OSR1: variants seen among roughly 807,000 people sequenced by gnomAD.
OSR1 encodes protein odd-skipped-related 1.
Under a neutral mutation model 15.7 loss-of-function variants are expected in OSR1, and 3 were observed. That is an observed-to-expected ratio of 0.19 (90% CI 0.09 to 0.50). The LOEUF is 0.50. OSR1 is among the 20% of genes least tolerant of loss of function. The probability of loss-of-function intolerance (pLI) is 0.97; values close to 1 mark genes in which losing one functional copy is unlikely to be tolerated. For missense variants in OSR1, 271 were observed against 351.1 expected (o/e 0.77, Z 1.82); for synonymous variants, 166 against 152.7 (o/e 1.09, Z -0.64).
downstream of OSR1, among the ~76,000 whole-genome samples, chr2:19,349,873 A>G (rs1558358166): frequency 6.6e-6 from 1 of 152,180 alleles, no homozygotes. Context: ...GGCTTCATAA[A>G]GAAACCAAGG....
chr2:19,357,567 C>T lies in OSR1; in HGVS notation c.-33+774G>A, dbSNP rs1476043317. ...GCGGACAGTCAGGGGAGTAACAGAA[C>T]TTTTCCTGTCCCCAGCCCGGAGACC... On this transcript the variant is annotated intron_variant, in intron 1 of 2. Coordinates refer to ENST00000272223, the MANE Select transcript of OSR1 (RefSeq NM_145260.3). The surrounding 1 kb of genome is among the most constrained non-coding windows in gnomAD (Gnocchi z 5.0). 1 of 152,190 alleles carries T rather than the reference C, an allele frequency of 6.6e-6. No individual in the cohort carries two copies. Among genetic ancestry groups the T allele is most frequent in the Non-Finnish European group, 1.5e-5 (1 of 68,054 alleles). The allele number at this position is 152,190 out of a possible 1,614,324, so 9.4% of individuals were successfully genotyped here.
chr2:19,347,121 CCT>C (rs1163612710), downstream of OSR1, among the ~76,000 whole-genome samples: 5 of 152,148 alleles, frequency 3.3e-5, no homozygotes, highest in East Asian at 7.7e-4. Context: ...TTTCAGGATG[CCT>C]CTGTTATAAT....
chr2:19,358,203 G>C (rs1017768186), intron 1 of OSR1, 138 bp downstream of exon 1: 1 of 152,560 alleles, frequency 6.6e-6, no homozygotes, highest in African/African-American at 2.4e-5. Context: ...TTTCACAAAA[G>C]TCCTACAGCA....
At chr2:19,345,281 T>C in the OSR1 span, among the ~76,000 whole-genome samples, 1 of 152,084 alleles carries the variant, frequency 6.6e-6, no homozygotes, top group Non-Finnish European at 1.5e-5. Context: ...GTAGTTTCTT[T>C]TGCTGTGCAG....
downstream of OSR1, chr2:19,346,640 A>C (rs531692009): frequency 1.3e-5 from 2 of 152,598 alleles, no homozygotes; most frequent in Admixed American, 1.3e-4. Flanking sequence ...GTGGTGGCAC[A>C]CACCTGTAGC....
chr2:19,350,689 G>A (rs929820743), downstream of OSR1, among the ~76,000 whole-genome samples: 5 of 152,122 alleles, frequency 3.3e-5, no homozygotes, highest in Non-Finnish European at 7.4e-5. Flanking sequence ...AAGGAGAAGA[G>A]CCCCGGCGGC....
chr2:19,350,109 T>G (rs115865815), downstream of OSR1, among the ~76,000 whole-genome samples: 1 of 152,160 alleles, frequency 6.6e-6, no homozygotes, highest in African/African-American at 2.4e-5. Flanking sequence ...GCCCAACTAA[T>G]GAAGATCCCT....
At position 19,357,409 on chromosome 2, in the gene OSR1, C is replaced by T. The variant is rs1278840538; in HGVS notation, c.-33+932G>A. ...CTTTACACATTGAGAACCCAACCCGCTACTGCCTGAGCTGCTGAAAAAGGA... is the reference window on the plus strand; with the variant it reads ...CTTTACACATTGAGAACCCAACCCGTTACTGCCTGAGCTGCTGAAAAAGGA... On this transcript the variant is annotated intron_variant, in intron 1 of 2. Coordinates refer to ENST00000272223, the MANE Select transcript of OSR1 (RefSeq NM_145260.3). This position sits in a 1 kb window ranked among gnomAD's most constrained non-coding sequence, Gnocchi z 5.0. 6.6e-6 allele frequency among the ~76,000 whole-genome samples: 1 copy of T among 152,212 alleles called. No homozygotes were observed.
At chr2:19,351,110 T>C (rs1664829841), downstream of OSR1, among the ~76,000 whole-genome samples, 1 of 152,076 alleles carries the variant, frequency 6.6e-6, no homozygotes, top group Admixed American at 6.6e-5. Context: ...TCTCTTCTCT[T>C]CTTGCACCCT....
downstream of OSR1, among the ~76,000 whole-genome samples, chr2:19,349,059 T>TG (rs1664788683): frequency 6.6e-6 from 1 of 152,220 alleles, no homozygotes; most frequent in Non-Finnish European, 1.5e-5. Flanking sequence ...CTTATTGTGA[T>TG]GGGGGTCTGG....
At chr2:19,347,409 C>A (rs1038836132), downstream of OSR1, among the ~76,000 whole-genome samples, 2 of 152,222 alleles carry the variant, frequency 1.3e-5, no homozygotes, top group African/African-American at 4.8e-5. Flanking sequence ...TAGTGAAGCA[C>A]AGGGACTTCC....
chr2:19,349,763 C>T (rs535652658), downstream of OSR1, among the ~76,000 whole-genome samples: 67 of 152,038 alleles, frequency 4.4e-4, no homozygotes, highest in African/African-American at 1.6e-3. Context: ...GGATAGCATC[C>T]CAGAAAGAGC....
chr2:19,350,341 A>G (rs904486870), downstream of OSR1, among the ~76,000 whole-genome samples: 21 of 152,180 alleles, frequency 1.4e-4, no homozygotes, highest in Admixed American at 2.6e-4. Context: ...CGGCAGGGCC[A>G]GCCTCCAGTG....
Position 19,352,156 on chromosome 2 carries a change from T to G in OSR1, c.*119A>C. The G allele has an allele frequency of 5.1e-6, 6 of 1,175,620 alleles. No homozygotes were observed. Among genetic ancestry groups the G allele is most frequent in the Non-Finnish European group, 7.1e-6 (6 of 848,524 alleles). The allele number at this position is 1,175,620 out of a possible 1,614,324, so 72.8% of individuals were successfully genotyped here. A position where few individuals can be genotyped will look rare whatever the true frequency, so the allele number is the denominator to read the frequency against. ...TGCGCCAGGGACCCAGGGGACAATG[T>G]TGGAGAGGTGGAAGGTCCCGAGCGA... On this transcript the variant is annotated 3_prime_UTR_variant, in exon 3 of 3. Coordinates refer to ENST00000272223, the MANE Select transcript of OSR1 (RefSeq NM_145260.3).
chr2:19,352,523 A>G lies in OSR1; in HGVS notation c.666-113T>C, dbSNP rs569115998. ...ACTTGCCCTCAAAGGAAAAGTGTAT[A>G]GTCAGGTACCAAGTGTGGATGGGAC... On this transcript the variant is annotated intron_variant, in intron 2 of 2. Coordinates refer to ENST00000272223, the MANE Select transcript of OSR1 (RefSeq NM_145260.3). 59 of 1,297,596 alleles carry G rather than the reference A, an allele frequency of 4.5e-5. 2 individuals are homozygous for G. The African/African-American group carries it at 6.7e-4, about 15-fold the overall frequency. 80.4% of individuals were successfully genotyped at this position (1,297,596 alleles called of 1,614,324 possible).
rs981994284 is a variant in OSR1, at chr2:19,358,528, G to T, written c.-220C>A. ...CGCTCAGCAGCCCCGGATCCTGCAC[G>T]CCGGGGACGGTGAGCCTCGCTCGCG... On this transcript the variant is annotated 5_prime_UTR_variant, in exon 1 of 3. Transcript: ENST00000272223. 3 of 152,282 alleles carry T rather than the reference G, an allele frequency of 2.0e-5. No homozygotes were observed. Among genetic ancestry groups the T allele is most frequent in the Non-Finnish European group, 4.4e-5 (3 of 68,088 alleles). The allele number at this position is 152,282 out of a possible 1,614,324, so 9.4% of individuals were successfully genotyped here. A position where few individuals can be genotyped will look rare whatever the true frequency, so the allele number is the denominator to read the frequency against.
downstream of OSR1, chr2:19,346,777 A>G (rs1020718290): frequency 6.6e-6 from 1 of 152,246 alleles, no homozygotes; most frequent in Admixed American, 6.5e-5. Flanking sequence ...CAATCAATCA[A>G]TCATAAGAAA....
chr2:19,353,817 C>A lies in OSR1; in HGVS notation c.-12G>T, dbSNP rs371504366. On this transcript the variant is annotated 5_prime_UTR_variant, in exon 2 of 3. Coordinates refer to ENST00000272223, the MANE Select transcript of OSR1 (RefSeq NM_145260.3). ...GTTTTGCTGCCCATTTCGGTAGTTG[C>A]AGTGGCTTCTCAATCCGGATCTGCA... 6.2e-7 allele frequency: 1 copy of A among 1,602,302 alleles called. No homozygotes were observed. Among genetic ancestry groups the A allele is most frequent in the Non-Finnish European group, 8.5e-7 (1 of 1,172,970 alleles).
rs897410164 is a variant in OSR1 at position 19,356,142 on chromosome 2, T to C, written c.-33+2199A>G. The C allele has an allele frequency of 3.9e-4, 60 of 152,438 alleles. 1 individual carries two copies. Among genetic ancestry groups the C allele is most frequent in the Admixed American group, 3.9e-3 (59 of 15,268 alleles). 9.4% of individuals were successfully genotyped at this position (152,438 alleles called of 1,614,324 possible). A position where few individuals can be genotyped will look rare whatever the true frequency, so the allele number is the denominator to read the frequency against. On this transcript the variant is annotated intron_variant, in intron 1 of 2. Coordinates refer to ENST00000272223, the MANE Select transcript of OSR1 (RefSeq NM_145260.3). ...CTGTGGGACTCTGGCCTGCACACTG[T>C]CCCGAACCCGCTCCGTGCCTGGGTG...
Sources: allele counts gnomAD v4.1 joint callset (sites outside exome capture counted in the v4.1 genomes callset), GRCh38; gene constraint gnomAD v4.1.1; non-coding constraint Gnocchi (gnomAD v3.1); transcripts MANE v1.5; gene names NCBI Gene and HGNC (gene_info 2026-07-23, HGNC 2026-07-21).